The following VAV2 variants were observed in gnomAD, a reference collection of about 807,000 sequenced individuals.
VAV2 encodes vav guanine nucleotide exchange factor 2, also known as guanine nucleotide exchange factor VAV2.
VAV2 carries 67 observed loss-of-function variants against 132.5 expected under a neutral mutation model. The observed-to-expected ratio is 0.51, with a 90% CI of 0.42 to 0.62. The LOEUF (loss-of-function observed/expected upper bound fraction) is 0.62, where lower values mean the gene tolerates loss of function less well. VAV2 is among the 20% of genes least tolerant of loss of function. The pLI is 0.00. For synonymous variants in VAV2, 492 were observed against 443.5 expected (o/e 1.11, Z -1.37); for missense variants, 938 against 1,153.6 (o/e 0.81, Z 2.71).
intron 1 of VAV2, among the ~76,000 whole-genome samples, chr9:133,941,395 G>A (rs913584595): frequency 1.4e-5 from 2 of 143,048 alleles, no homozygotes; most frequent in African/African-American, 5.2e-5. Context: ...GTGACAGAGC[G>A]AGACTCCGTC....
At chr9:133,982,073 G>A (rs999826631) in intron 1 of VAV2, among the ~76,000 whole-genome samples, 1 of 152,216 alleles carries the variant, frequency 6.6e-6, no homozygotes, top group African/African-American at 2.4e-5. Context: ...CCCTTGTCAG[G>A]GGACTCGAGC....
intron 25 of VAV2, 43 bp from the exon 26 acceptor site, chr9:133,772,089 C>A: frequency 6.4e-7 from 1 of 1,559,452 alleles, no homozygotes; most frequent in Non-Finnish European, 8.8e-7. Context: ...GTGAGGGCCA[C>A]ACGGCCCCGG....
intron 29 of VAV2, among the ~76,000 whole-genome samples, chr9:133,766,344 C>A (rs943481679): frequency 1.3e-5 from 2 of 152,150 alleles, no homozygotes; most frequent in African/African-American, 4.8e-5. Flanking sequence ...TGCAGCACTA[C>A]TCACAACAGC....
At chr9:133,782,221 T>C (rs1834036637) in intron 19 of VAV2, among the ~76,000 whole-genome samples, 1 of 152,168 alleles carries the variant, frequency 6.6e-6, no homozygotes. Context: ...TCTTTAAAAT[T>C]TCATTTCTTT....
At chr9:133,854,533 A>G (rs1203291856) in intron 3 of VAV2, among the ~76,000 whole-genome samples, 5 of 152,194 alleles carry the variant, frequency 3.3e-5, no homozygotes, top group African/African-American at 1.2e-4. Flanking sequence ...GCTACTGACC[A>G]GGGCAACAGA....
intron 23 of VAV2, among the ~76,000 whole-genome samples, chr9:133,777,045 C>T (rs112566854): frequency 2.4e-4 from 36 of 152,282 alleles, no homozygotes; most frequent in African/African-American, 8.2e-4. Flanking sequence ...TAAGGCTGCG[C>T]AATAGTCCAA....
chr9:133,764,277 G>A (rs2797826), intron 29 of VAV2, among the ~76,000 whole-genome samples, 168 bp from the exon 30 acceptor site: 60,219 of 151,694 alleles, frequency 0.4, 12,842 homozygotes, highest in Non-Finnish European at 0.48. Flanking sequence ...GGGAGTAAGA[G>A]CAACCCAGAA....
intron 2 of VAV2, among the ~76,000 whole-genome samples, chr9:133,925,138 A>G (rs948755490): frequency 2.0e-5 from 3 of 152,382 alleles, no homozygotes; most frequent in Admixed American, 2.0e-4. Flanking sequence ...GGATGGTTGT[A>G]CAACACTGGG....
At chr9:133,821,104 T>C (rs191203778) in intron 4 of VAV2, among the ~76,000 whole-genome samples, 1 of 152,204 alleles carries the variant, frequency 6.6e-6, no homozygotes, top group Non-Finnish European at 1.5e-5. Flanking sequence ...CACAATTACA[T>C]CACTCTCCTG....
intron 1 of VAV2, among the ~76,000 whole-genome samples, chr9:133,972,518 G>A (rs1322722630): frequency 2.0e-5 from 3 of 152,200 alleles, no homozygotes; most frequent in Admixed American, 2.0e-4. Context: ...GGCTCCCGCA[G>A]ACACATGTAG....
rs1019021441 is a variant in VAV2 at position 133,768,663 on chromosome 9, T to A, written c.2435-67A>T. ...GCCCAACCAGTGATCCAGGAGGCCCTTGGGCCAAGCTGGGTCTCTCCCCTG... is the reference window on the plus strand; with the variant it reads ...GCCCAACCAGTGATCCAGGAGGCCCATGGGCCAAGCTGGGTCTCTCCCCTG... On this transcript the variant is annotated intron_variant, in intron 28 of 29. Coordinates refer to ENST00000371850, the MANE Select transcript of VAV2 (RefSeq NM_001134398.2). This position sits in a 1 kb window ranked among gnomAD's most constrained non-coding sequence, Gnocchi z 5.3. 3 of 1,556,224 alleles carry A rather than the reference T, an allele frequency of 1.9e-6. No individual in the cohort carries two copies. The highest frequency in any genetic ancestry group is 2.6e-6 in the Non-Finnish European group (3 of 1,153,110).
chr9:133,921,505 T>C (rs1840296416), intron 2 of VAV2, among the ~76,000 whole-genome samples: 2 of 152,188 alleles, frequency 1.3e-5, no homozygotes, highest in Admixed American at 6.5e-5. Context: ...AAGAAAGTTG[T>C]GTCTCACTCG....
In VAV2 at chr9:133,826,687, C is replaced by A. The variant is rs990366235; in HGVS notation, c.449+7585G>T. 3.2e-4 allele frequency among the ~76,000 whole-genome samples: 49 copies of A among 152,202 alleles called. No homozygotes were observed. The highest frequency in any genetic ancestry group is 3.1e-3 in the Admixed American group (48 of 15,284). ...AAGCGGTGGCTAAATAAAGCTTGGT[C>A]TCATGTCCATGTCCTTCCTTTGGCC... On this transcript the variant is annotated intron_variant, in intron 4 of 29. Transcript: ENST00000371850. The surrounding 1 kb of genome is among the most constrained non-coding windows in gnomAD (Gnocchi z 4.2).
chr9:133,954,090 C>T lies in VAV2; in HGVS notation c.205-14871G>A, dbSNP rs370549301. 2.6e-5 allele frequency among the ~76,000 whole-genome samples: 4 copies of T among 152,304 alleles called. No individual in the cohort carries two copies. The East Asian group carries it at 5.8e-4, about 22-fold the overall frequency. On this transcript the variant is annotated intron_variant, in intron 1 of 29. Transcript: ENST00000371850. The stretch of plus-strand genomic sequence containing the variant: ...CACCCTTCTCAACGTGCAACAAACA[C>T]GGCCGAAACCGTCACCGAAAGCACT...
chr9:133,812,260 C>T, intron 4 of VAV2, 44 bp from the exon 5 acceptor site: 2 of 1,592,728 alleles, frequency 1.3e-6, no homozygotes, highest in Non-Finnish European at 1.7e-6. Flanking sequence ...AGGCTCCCGC[C>T]ACCCTGACCG....
At chr9:133,852,002 T>C (rs1350360530) in intron 3 of VAV2, among the ~76,000 whole-genome samples, 3 of 150,738 alleles carry the variant, frequency 2.0e-5, no homozygotes, top group Non-Finnish European at 2.9e-5. Flanking sequence ...GATGGATACA[T>C]GGATGGATGG....
intron 1 of VAV2, among the ~76,000 whole-genome samples, chr9:133,972,693 G>T (rs1738518227): frequency 6.6e-6 from 1 of 152,158 alleles, no homozygotes; most frequent in Non-Finnish European, 1.5e-5. Context: ...GGCAGCGGAG[G>T]CTCTTGCCAC....
At chr9:133,916,353 T>C (rs149932336) in intron 2 of VAV2, among the ~76,000 whole-genome samples, 1 of 152,336 alleles carries the variant, frequency 6.6e-6, no homozygotes, top group East Asian at 1.9e-4. Context: ...GTGATTCACT[T>C]GGAAAGTTTC....
At chr9:133,940,211 C>A (rs145288783) in intron 1 of VAV2, among the ~76,000 whole-genome samples, 56 of 152,262 alleles carry the variant, frequency 3.7e-4, no homozygotes, top group African/African-American at 1.3e-3. Flanking sequence ...CCCTGATGAC[C>A]AGAGTGGGCA....
Sources: allele counts gnomAD v4.1 joint callset (sites outside exome capture counted in the v4.1 genomes callset), GRCh38; gene constraint gnomAD v4.1.1; non-coding constraint Gnocchi (gnomAD v3.1); transcripts MANE v1.5; gene names NCBI Gene and HGNC (gene_info 2026-07-23, HGNC 2026-07-21).